NLGN4X: variants seen among roughly 807,000 people sequenced by gnomAD.
NLGN4X encodes neuroligin 4 X-linked.
In NLGN4X, 3 loss-of-function variants were observed where a neutral mutation model predicts 40.3. The observed-to-expected ratio is 0.07, with a 90% CI of 0.03 to 0.19. NLGN4X has a LOEUF of 0.19. Ranked by LOEUF, NLGN4X falls within the 10% of genes least tolerant of loss-of-function variation. NLGN4X has a pLI of 1.00. For synonymous variants in NLGN4X, 270 were observed against 306.8 expected, an observed-to-expected ratio of 0.88 and a Z score of 1.25; for missense variants, 382 against 708.3, an observed-to-expected ratio of 0.54 and a Z score of 5.23.
intron 3 of NLGN4X, among the ~76,000 whole-genome samples, chrX:5,934,617 A>T (rs1279484860): frequency 1.8e-5 from 2 of 111,751 alleles, no homozygotes; most frequent in Non-Finnish European, 3.8e-5. Context: ...GCCATGGGAG[A>T]CCCTAAGAAG....
chrX:6,177,126 A>G (rs968835640), intron 1 of NLGN4X, among the ~76,000 whole-genome samples: 2 of 112,024 alleles, frequency 1.8e-5, no homozygotes, highest in African/African-American at 3.2e-5. Flanking sequence ...TTTCATTTAA[A>G]TAATACCCTG....
intron 2 of NLGN4X, among the ~76,000 whole-genome samples, chrX:6,046,619 C>T (rs2037324431): frequency 9.0e-6 from 1 of 110,879 alleles, no homozygotes; most frequent in Admixed American, 9.6e-5. Flanking sequence ...ATAAAGAAGG[C>T]ATTTATTAAT....
At chrX:6,169,206 G>A (rs1229038792) in intron 1 of NLGN4X, among the ~76,000 whole-genome samples, 2 of 112,144 alleles carry the variant, frequency 1.8e-5, no homozygotes, top group Non-Finnish European at 3.8e-5. Context: ...CCTCCCAGCT[G>A]TAAATATCAG....
intron 1 of NLGN4X, among the ~76,000 whole-genome samples, chrX:6,221,941 C>G (rs1227962298): frequency 9.0e-6 from 1 of 111,728 alleles, no homozygotes; most frequent in Non-Finnish European, 1.9e-5. Context: ...CATCACAGAA[C>G]CAAAGAGGCC....
intron 3 of NLGN4X, among the ~76,000 whole-genome samples, chrX:6,027,827 T>TTG (rs1486361721): frequency 1.8e-5 from 2 of 108,698 alleles, no homozygotes; most frequent in Non-Finnish European, 3.8e-5. Flanking sequence ...TTATTATTTT[T>TTG]TTTTTTTTGA....
chrX:5,985,298 C>T (rs939074628), intron 3 of NLGN4X, among the ~76,000 whole-genome samples: 4 of 111,288 alleles, frequency 3.6e-5, no homozygotes, highest in African/African-American at 1.3e-4. Context: ...CTTGTTCTGT[C>T]ATCCAGGTTG....
At chrX:5,917,606 C>G (rs751351055) in intron 3 of NLGN4X, among the ~76,000 whole-genome samples, 1 of 111,986 alleles carries the variant, frequency 8.9e-6, no homozygotes, top group African/African-American at 3.2e-5. Flanking sequence ...CCATAGCAAG[C>G]TGAGGAACTC....
chrX:5,956,144 ATCTGTAAT>A (rs2034487469), intron 3 of NLGN4X, among the ~76,000 whole-genome samples: 1 of 108,214 alleles, frequency 9.2e-6, no homozygotes, highest in African/African-American at 3.3e-5. Flanking sequence ...TATATATTTA[ATCTGTAAT>A]ATATAATATG....
At chrX:6,138,000 C>T (rs2039857936) in intron 2 of NLGN4X, among the ~76,000 whole-genome samples, 1 of 111,594 alleles carries the variant, frequency 9.0e-6, no homozygotes, top group Non-Finnish European at 1.9e-5. Flanking sequence ...AGTAAACAGA[C>T]TCCTGGCTTG....
intron 3 of NLGN4X, among the ~76,000 whole-genome samples, chrX:5,956,156 T>G (rs2034488115): frequency 9.3e-6 from 1 of 107,898 alleles, no homozygotes; most frequent in Admixed American, 1.0e-4. Flanking sequence ...CTGTAATATA[T>G]AATATGAAAT....
intron 5 of NLGN4X, among the ~76,000 whole-genome samples, chrX:5,897,574 G>A (rs1389150501): frequency 8.9e-6 from 1 of 111,768 alleles, no homozygotes; most frequent in Non-Finnish European, 1.9e-5. Context: ...GACTAACATT[G>A]AAACACCTCC....
intron 1 of NLGN4X, among the ~76,000 whole-genome samples, chrX:6,156,127 C>G: frequency 8.9e-6 from 1 of 112,206 alleles, no homozygotes. Flanking sequence ...TTCACAATAG[C>G]AAAGACATGG....
intron 3 of NLGN4X, among the ~76,000 whole-genome samples, chrX:6,004,465 A>G (rs909985951): frequency 8.9e-6 from 1 of 112,060 alleles, no homozygotes; most frequent in Admixed American, 9.5e-5. Context: ...TTTTGATGAT[A>G]GCAAGAGTAT....
intron 1 of NLGN4X, among the ~76,000 whole-genome samples, chrX:6,200,902 G>A (rs1321697377): frequency 9.2e-6 from 1 of 109,094 alleles, no homozygotes; most frequent in Non-Finnish European, 1.9e-5. Context: ...GTCTCCCTAT[G>A]TTGCCCAGGC....
At chrX:6,083,605 C>A (rs2038424205) in intron 2 of NLGN4X, among the ~76,000 whole-genome samples, 1 of 111,862 alleles carries the variant, frequency 8.9e-6, no homozygotes, top group Admixed American at 9.5e-5. Flanking sequence ...GAAGCTGTCA[C>A]AGTGGGCCAC....
chrX:6,129,878 A>G (rs2039642147), intron 2 of NLGN4X, among the ~76,000 whole-genome samples: 1 of 108,259 alleles, frequency 9.2e-6, no homozygotes. Flanking sequence ...AAAGATACCA[A>G]ATCTTTTTTT....
chrX:6,126,100 G>A (rs1358087144), intron 2 of NLGN4X, among the ~76,000 whole-genome samples: 1 of 111,066 alleles, frequency 9.0e-6, no homozygotes, highest in Non-Finnish European at 1.9e-5. Context: ...ATAACCAGCT[G>A]TAGAAATGCC....
intron 1 of NLGN4X, among the ~76,000 whole-genome samples, chrX:6,185,420 C>T (rs1921918036): frequency 8.9e-6 from 1 of 112,117 alleles, no homozygotes; most frequent in Non-Finnish European, 1.9e-5. Flanking sequence ...TCATCTGTGT[C>T]TAAAATATAT....
At chrX:5,901,523 TTTCTC>T (rs2031862943) in intron 5 of NLGN4X, among the ~76,000 whole-genome samples, 1 of 111,497 alleles carries the variant, frequency 9.0e-6, no homozygotes, top group South Asian at 3.8e-4. Flanking sequence ...TTTGGGTTCT[TTTCTC>T]CCATGGTTTG....
Sources: gnomAD v4.1 joint callset for allele counts (sites outside exome capture counted in the v4.1 genomes callset) on GRCh38, gnomAD v4.1.1 for gene constraint, MANE v1.5 for transcripts, NCBI Gene and HGNC (gene_info 2026-07-23, HGNC 2026-07-21) for gene names.